Variants in RPS6KC1 observed in about 807,000 individuals in gnomAD.
RPS6KC1 encodes the protein ribosomal protein S6 kinase C1.
Under a neutral mutation model 103.8 loss-of-function variants are expected in RPS6KC1, and 54 were observed. The ratio of observed to expected loss-of-function variants is 0.52; its 90% CI spans 0.42 to 0.65. The LOEUF (loss-of-function observed/expected upper bound fraction) is 0.65, where lower values mean the gene tolerates loss of function less well. Among genes scored for constraint, RPS6KC1 ranks in the 30% least tolerant of loss-of-function variants. The probability of loss-of-function intolerance (pLI) is 0.00; values close to 1 mark genes in which losing one functional copy is unlikely to be tolerated. For missense variants in RPS6KC1, 1,151 were observed against 1,253.8 expected, an observed-to-expected ratio of 0.92 and a Z score of 1.24; for synonymous variants, 439 against 438.7, an observed-to-expected ratio of 1.00 and a Z score of -0.01.
At chr1:213,414,750 A>G in the RPS6KC1 span, among the ~76,000 whole-genome samples, 31 of 148,956 alleles carry the variant, frequency 2.1e-4, no homozygotes, top group African/African-American at 7.2e-4. Context: ...AATCTTTGAA[A>G]GATCTTCTAA....
chr1:213,499,586 C>T, the RPS6KC1 span, among the ~76,000 whole-genome samples: 3 of 152,152 alleles, frequency 2.0e-5, no homozygotes, highest in Admixed American at 6.6e-5. Context: ...ATCTCACAGG[C>T]GGTGGAGCTC....
chr1:213,052,821 C>T (rs1258422388), intron 1 of RPS6KC1, among the ~76,000 whole-genome samples: 1 of 152,134 alleles, frequency 6.6e-6, no homozygotes, highest in Non-Finnish European at 1.5e-5. Flanking sequence ...GGATTACAGG[C>T]ATGAGCCACC....
chr1:213,548,526 T>C, the RPS6KC1 span, among the ~76,000 whole-genome samples: 2,369 of 152,282 alleles, frequency 0.016, 27 homozygotes, highest in South Asian at 0.032. Flanking sequence ...CTGGGCTTGG[T>C]GACGCACACC....
chr1:213,327,999 C>T, the RPS6KC1 span, among the ~76,000 whole-genome samples: 1 of 152,016 alleles, frequency 6.6e-6, no homozygotes, highest in South Asian at 2.1e-4. Context: ...CATTTGTATT[C>T]CCTTTATAAC....
At chr1:213,827,218 T>C in the RPS6KC1 span, among the ~76,000 whole-genome samples, 1 of 152,150 alleles carries the variant, frequency 6.6e-6, no homozygotes, top group Non-Finnish European at 1.5e-5. Context: ...CTGCTGAAGC[T>C]TCACAGCTAA....
chr1:213,068,794 T>C (rs78731235), intron 1 of RPS6KC1, among the ~76,000 whole-genome samples: 2 of 151,784 alleles, frequency 1.3e-5, no homozygotes, highest in Admixed American at 1.3e-4. Flanking sequence ...GGAGGATTGC[T>C]TGATCCCAGG....
At chr1:213,101,757 T>G (rs1254124145) in intron 3 of RPS6KC1, among the ~76,000 whole-genome samples, 2 of 152,218 alleles carry the variant, frequency 1.3e-5, no homozygotes, top group Non-Finnish European at 2.9e-5. Flanking sequence ...TTTACACAAT[T>G]ACTAATATTA....
At chr1:213,380,657 A>G in the RPS6KC1 span, among the ~76,000 whole-genome samples, 1 of 152,234 alleles carries the variant, frequency 6.6e-6, no homozygotes, top group Non-Finnish European at 1.5e-5. Flanking sequence ...TACATTGTAT[A>G]CCTTGAAAAT....
At chr1:213,597,071 T>TA in the RPS6KC1 span, among the ~76,000 whole-genome samples, 7 of 152,214 alleles carry the variant, frequency 4.6e-5, no homozygotes, top group Non-Finnish European at 8.8e-5. Flanking sequence ...ATGGCATACA[T>TA]ACCCGAACAA....
At chr1:213,396,323 G>T in the RPS6KC1 span, among the ~76,000 whole-genome samples, 1 of 152,168 alleles carries the variant, frequency 6.6e-6, no homozygotes, top group Non-Finnish European at 1.5e-5. Flanking sequence ...GTCAGTGAGG[G>T]CTCCGTGAAG....
chr1:213,256,944 G>A (rs2094659720), intron 12 of RPS6KC1, among the ~76,000 whole-genome samples: 1 of 152,066 alleles, frequency 6.6e-6, no homozygotes, highest in African/African-American at 2.4e-5. Context: ...GTATCCCAGG[G>A]GACCAGTGAA....
At chr1:213,467,061 TG>T in the RPS6KC1 span, among the ~76,000 whole-genome samples, 2 of 152,268 alleles carry the variant, frequency 1.3e-5, no homozygotes, top group African/African-American at 4.8e-5. Flanking sequence ...TTTTTACTCT[TG>T]CATCTGTGGG....
At chr1:213,401,784 C>CTTTA in the RPS6KC1 span, among the ~76,000 whole-genome samples, 20,224 of 151,608 alleles carry the variant, frequency 0.13, 1,473 homozygotes, top group Non-Finnish European at 0.18. Context: ...TTTTTACTTA[C>CTTTA]TTTATTTATT....
chr1:213,533,307 A>C, the RPS6KC1 span, among the ~76,000 whole-genome samples: 1 of 152,194 alleles, frequency 6.6e-6, no homozygotes, highest in African/African-American at 2.4e-5. Flanking sequence ...GAGCAAAAGA[A>C]GACTTTTGAG....
chr1:213,104,394 C>G, intron 3 of RPS6KC1, 60 bp from the exon 4 acceptor site: 3 of 1,110,176 alleles, frequency 2.7e-6, no homozygotes, highest in East Asian at 2.4e-5. Flanking sequence ...TGGACGTAAA[C>G]TATCATAAAC....
the RPS6KC1 span, chr1:213,822,099 C>T: frequency 2.6e-5 from 4 of 152,212 alleles, no homozygotes; most frequent in Non-Finnish European, 5.9e-5. Context: ...GGAAGTGTCA[C>T]TGGGTGATCC....
At chr1:213,139,327 C>G (rs2149075201) in intron 6 of RPS6KC1, among the ~76,000 whole-genome samples, 1 of 152,080 alleles carries the variant, frequency 6.6e-6, no homozygotes. Flanking sequence ...GTTTGTTTTG[C>G]TATGCAGAAA....
chr1:213,648,491 C>T, the RPS6KC1 span, among the ~76,000 whole-genome samples: 1 of 152,254 alleles, frequency 6.6e-6, no homozygotes, highest in East Asian at 1.9e-4. Context: ...TTCCTGGTGA[C>T]ATTCCAGAGA....
At chr1:213,445,375 G>A in the RPS6KC1 span, among the ~76,000 whole-genome samples, 1 of 152,172 alleles carries the variant, frequency 6.6e-6, no homozygotes, top group African/African-American at 2.4e-5. Context: ...GTTGTATGGT[G>A]ACTTTATTTT....
Sources: gnomAD v4.1 joint callset for allele counts (sites outside exome capture counted in the v4.1 genomes callset) on GRCh38, gnomAD v4.1.1 for gene constraint, MANE v1.5 for transcripts, NCBI Gene and HGNC (gene_info 2026-07-23, HGNC 2026-07-21) for gene names.